Variants in SH3PXD2B observed in about 807,000 individuals in gnomAD.
SH3PXD2B encodes SH3 and PX domain-containing protein 2B.
In SH3PXD2B, 37 loss-of-function variants were observed where a neutral mutation model predicts 73.1. The observed-to-expected ratio is 0.51, with a 90% CI of 0.39 to 0.67. The LOEUF (loss-of-function observed/expected upper bound fraction) is 0.67. Ranked by LOEUF, SH3PXD2B falls within the 30% of genes least tolerant of loss-of-function variation. The pLI is 0.00. For missense variants in SH3PXD2B, 1,053 were observed against 1,197.8 expected, an observed-to-expected ratio of 0.88 and a Z score of 1.78; for synonymous variants, 457 against 480.5, an observed-to-expected ratio of 0.95 and a Z score of 0.64.
intron 6 of SH3PXD2B, among the ~76,000 whole-genome samples, chr5:172,368,514 A>ATATATGTAAT: frequency 4.6e-5 from 1 of 21,750 alleles, no homozygotes; most frequent in Non-Finnish European, 6.6e-5. Context: ...ATATATATAA[A>ATATATGTAAT]ATATATATAT....
At chr5:172,408,242 G>A (rs1476948024) in intron 2 of SH3PXD2B, among the ~76,000 whole-genome samples, 1 of 151,408 alleles carries the variant, frequency 6.6e-6, no homozygotes, top group Non-Finnish European at 1.5e-5. Flanking sequence ...TAGTTTCACT[G>A]ATTTTCTTTA....
chr5:172,428,622 T>C (rs1258131723), intron 1 of SH3PXD2B, among the ~76,000 whole-genome samples: 1 of 152,188 alleles, frequency 6.6e-6, no homozygotes, highest in Admixed American at 6.5e-5. Flanking sequence ...TGTGTAACTC[T>C]ACAACTTAAC....
At chr5:172,358,904 G>A (rs1378698599) in intron 7 of SH3PXD2B, 27 bp from the exon 8 acceptor site, 2 of 1,604,270 alleles carry the variant, frequency 1.2e-6, no homozygotes, top group South Asian at 1.1e-5. Flanking sequence ...GCAGAATGAT[G>A]TTAGTTGCAT....
intron 10 of SH3PXD2B, among the ~76,000 whole-genome samples, chr5:172,348,667 CTAT>C (rs1285443083): frequency 2.6e-3 from 69 of 26,310 alleles, no homozygotes; most frequent in Non-Finnish European, 5.0e-3. Context: ...ATCTATCTAT[CTAT>C]CTATCTATCT....
rs1023490289 is a variant in SH3PXD2B, at chr5:172,348,063, C to T, written c.1013-731G>A. ...AGAAGGGTAGTTTGGCGTTGGGGTGCGGAGGAGACTGCTAATCCCTTAAAT... is the reference window on the plus strand; with the variant it reads ...AGAAGGGTAGTTTGGCGTTGGGGTGTGGAGGAGACTGCTAATCCCTTAAAT... On this transcript the variant is annotated intron_variant, in intron 10 of 12. Coordinates refer to ENST00000311601, the MANE Select transcript of SH3PXD2B (RefSeq NM_001017995.3). Among the ~76,000 whole-genome samples, 9 of 152,230 alleles carry T rather than the reference C, an allele frequency of 5.9e-5. No individual in the cohort carries two copies. In the South Asian group the frequency reaches 6.2e-4, roughly 11 times the overall value.
At position 172,336,205 on chromosome 5, in the gene SH3PXD2B, ATG is replaced by A. The variant is rs1214336660; in HGVS notation, c.*2162_*2163del. On this transcript the variant is annotated 3_prime_UTR_variant, in exon 13 of 13. Coordinates refer to ENST00000311601, the MANE Select transcript of SH3PXD2B (RefSeq NM_001017995.3). The stretch of plus-strand genomic sequence containing the variant: ...GGCAAAGAGCAAATCAGAAAAAAAC[ATG>A]TGTTTTGTCTTTTGAAATGCAGTCA... The A allele has an allele frequency of 1.9e-5, 19 of 985,424 alleles. No homozygotes were observed. The highest frequency in any genetic ancestry group is 2.2e-5 in the Non-Finnish European group (18 of 829,976). The allele number at this position is 985,424 out of a possible 1,614,324, so 61.0% of individuals were successfully genotyped here.
intron 3 of SH3PXD2B, among the ~76,000 whole-genome samples, chr5:172,398,804 G>A (rs561646209): frequency 5.9e-5 from 9 of 152,254 alleles, no homozygotes; most frequent in South Asian, 4.1e-4. Flanking sequence ...TCCAATCTCC[G>A]CAGTCCCAGG....
chr5:172,411,800 T>C (rs1369088736), intron 2 of SH3PXD2B, among the ~76,000 whole-genome samples: 1 of 129,596 alleles, frequency 7.7e-6, no homozygotes, highest in South Asian at 2.1e-4. Flanking sequence ...GCTGTGTGGT[T>C]TTTTTTTTTT....
intron 1 of SH3PXD2B, among the ~76,000 whole-genome samples, chr5:172,443,810 A>C (rs1248763057): frequency 2.0e-5 from 3 of 152,260 alleles, no homozygotes; most frequent in Admixed American, 1.3e-4. Context: ...GCTTAATTAA[A>C]CAAAACAGAA....
At position 172,394,706 on chromosome 5, in the gene SH3PXD2B, G is replaced by A. The variant is rs555427721; in HGVS notation, c.233-67C>T. ...GGACAAGCTCTCAGCAACCTGAGAG[G>A]GTGTGGACATGGCGGTTCCTAGGGT... On this transcript the variant is annotated intron_variant, in intron 3 of 12. Coordinates refer to ENST00000311601, the MANE Select transcript of SH3PXD2B (RefSeq NM_001017995.3). The A allele has an allele frequency of 7.2e-6, 11 of 1,535,274 alleles. No individual in the cohort carries two copies. The South Asian group carries it at 1.0e-4, about 14-fold the overall frequency.
At chr5:172,417,716 A>G (rs1026535503) in intron 2 of SH3PXD2B, among the ~76,000 whole-genome samples, 2 of 152,148 alleles carry the variant, frequency 1.3e-5, no homozygotes, top group African/African-American at 2.4e-5. Context: ...ATGCCCATCA[A>G]TAATCCTAAT....
At chr5:172,418,036 G>A (rs916233599) in intron 2 of SH3PXD2B, among the ~76,000 whole-genome samples, 5 of 152,108 alleles carry the variant, frequency 3.3e-5, no homozygotes, top group African/African-American at 4.8e-5. Context: ...TTTAACTCAC[G>A]AGAACCTTGT....
In SH3PXD2B at chr5:172,339,687, G is replaced by A. The variant is rs759190450; in HGVS notation, c.1418C>T (p.Ala473Val). Reference protein sequence around the residue: ...ATGPSRPLPDAPHGVMDSGLP... With the variant: ...ATGPSRPLPDVPHGVMDSGLP... ...CCCCGAGTCCATGACACCATGCGGT[G>A]CGTCAGGCAGGGGCCGGGAGGGGCC... The change falls in exon 13 of 13, where the codon GCA (alanine) becomes GTA (valine). Residue 473 changes from alanine (A) to valine (V), a missense_variant. By Grantham distance (64) the Ala-to-Val change is moderately conservative (BLOSUM62 0). Transcript: ENST00000311601. This position sits in a 1 kb window ranked among gnomAD's most constrained non-coding sequence, Gnocchi z 6.1. The A allele has an allele frequency of 2.5e-6, 4 of 1,614,244 alleles. No individual in the cohort carries two copies. Among genetic ancestry groups the A allele is most frequent in the Admixed American group, 1.7e-5 (1 of 60,034 alleles).
At chr5:172,374,183 G>A (rs1021265988) in intron 5 of SH3PXD2B, among the ~76,000 whole-genome samples, 1 of 152,076 alleles carries the variant, frequency 6.6e-6, no homozygotes, top group South Asian at 2.1e-4. Context: ...CCATTTCTTG[G>A]GGTCCCCTAA....
Position 172,334,185 on chromosome 5 carries a change from G to T in SH3PXD2B, c.*4184C>A. On this transcript the variant is annotated 3_prime_UTR_variant, in exon 13 of 13. Transcript: ENST00000311601. ...TGAGGAGGAGCTCGATAACTTGGCAGAATAGCACCAGAAACCAGATGCCAC... is the reference window on the plus strand; with the variant it reads ...TGAGGAGGAGCTCGATAACTTGGCATAATAGCACCAGAAACCAGATGCCAC... The T allele has an allele frequency of 9.1e-7, 1 of 1,104,324 alleles. No homozygotes were observed. The highest frequency in any genetic ancestry group is 1.1e-6 in the Non-Finnish European group (1 of 904,522). 68.4% of individuals were successfully genotyped at this position (1,104,324 alleles called of 1,614,324 possible).
At chr5:172,423,062 A>G (rs1198381494) in intron 1 of SH3PXD2B, among the ~76,000 whole-genome samples, 1 of 152,176 alleles carries the variant, frequency 6.6e-6, no homozygotes, top group East Asian at 1.9e-4. Context: ...TGAGGTGCTG[A>G]TGAAATTAAG....
At chr5:172,404,621 C>A (rs1758510961) in intron 3 of SH3PXD2B, among the ~76,000 whole-genome samples, 1 of 152,146 alleles carries the variant, frequency 6.6e-6, no homozygotes, top group African/African-American at 2.4e-5. Context: ...GCCCGTCCAG[C>A]TCTAAATATC....
At chr5:172,429,711 C>T (rs1759187394) in intron 1 of SH3PXD2B, among the ~76,000 whole-genome samples, 2 of 152,202 alleles carry the variant, frequency 1.3e-5, no homozygotes, top group Non-Finnish European at 2.9e-5. Context: ...AATCCCCGAG[C>T]CAGCAGGCCA....
chr5:172,384,446 C>T (rs1015923068), intron 4 of SH3PXD2B, among the ~76,000 whole-genome samples: 1 of 152,212 alleles, frequency 6.6e-6, no homozygotes, highest in African/African-American at 2.4e-5. Flanking sequence ...GTGCTACCAG[C>T]ACCGCCATCC....
Sources: gnomAD v4.1 joint callset for allele counts (sites outside exome capture counted in the v4.1 genomes callset) on GRCh38, gnomAD v4.1.1 for gene constraint, Gnocchi (gnomAD v3.1) non-coding constraint, MANE v1.5 for transcripts, NCBI Gene and HGNC (gene_info 2026-07-23, HGNC 2026-07-21) for gene names.